Variants in HEXB observed in about 807,000 individuals in gnomAD.
HEXB encodes the protein beta-hexosaminidase subunit beta.
HEXB carries 51 observed loss-of-function variants against 71.2 expected under a neutral mutation model. That is an observed-to-expected ratio of 0.72 (90% CI 0.57 to 0.90). The LOEUF (loss-of-function observed/expected upper bound fraction) is 0.90, where lower values mean the gene tolerates loss of function less well. Among genes scored for constraint, HEXB ranks in the 40% least tolerant of loss-of-function variants. The probability of loss-of-function intolerance (pLI) is 0.00; values close to 1 mark genes in which losing one functional copy is unlikely to be tolerated. For missense variants in HEXB, 617 were observed against 677.0 expected (o/e 0.91, Z 0.98); for synonymous variants, 266 against 249.3 (o/e 1.07, Z -0.63).
chr5:74,661,509 CTCTCTGTGTGTGTG>C (rs774903696), intron 1 of HEXB, among the ~76,000 whole-genome samples: 66 of 71,424 alleles, frequency 9.2e-4, no homozygotes, highest in East Asian at 2.3e-3. Context: ...CATTTTCTCT[CTCTCTGTGTGTGTG>C]TGTGTGTGTG....
chr5:74,715,619 C>CA lies in HEXB; in HGVS notation c.1014dup (p.Glu339ArgfsTer3). On this transcript the variant is annotated frameshift_variant, in exon 8 of 14. Coordinates refer to ENST00000261416, the MANE Select transcript of HEXB (RefSeq NM_000521.4). LOFTEE classifies it high-confidence loss of function. ...CATACAGCTTCCTTACTACATTTTT[C>CA]AAAGAAATTAGTGAGGTGTTTCCAG... is the stretch of plus-strand genomic sequence containing the variant. The CA allele has an allele frequency of 1.2e-6, 2 of 1,609,068 alleles. No individual in the cohort carries two copies. Among genetic ancestry groups the CA allele is most frequent in the Non-Finnish European group, 1.7e-6 (2 of 1,176,144 alleles).
At chr5:74,684,062 G>A (rs1344858420), upstream of HEXB, among the ~76,000 whole-genome samples, 2 of 151,870 alleles carry the variant, frequency 1.3e-5, no homozygotes, top group East Asian at 2.0e-4. Context: ...CTTGTGATCC[G>A]CCCTCCTTCG....
At chr5:74,649,640 G>C (rs116589383) in intron 1 of HEXB, among the ~76,000 whole-genome samples, 1 of 152,130 alleles carries the variant, frequency 6.6e-6, no homozygotes, top group East Asian at 1.9e-4. Flanking sequence ...GATTTTCTTG[G>C]TTTACTTTGC....
chr5:74,716,915 C>T lies in HEXB; in HGVS notation c.1169+242C>T, dbSNP rs114307934. 0.018 allele frequency: 6,451 copies of T among 356,324 alleles called. 76 individuals are homozygous for T. The highest frequency in any genetic ancestry group is 0.027 in the Non-Finnish European group (4,997 of 186,674). 22.1% of individuals were successfully genotyped at this position (356,324 alleles called of 1,614,324 possible). On this transcript the variant is annotated intron_variant, in intron 9 of 13. Coordinates refer to ENST00000261416, the MANE Select transcript of HEXB (RefSeq NM_000521.4). The stretch of plus-strand genomic sequence containing the variant: ...TTCTAAAAACTCAGATTGGGCTGGG[C>T]ATGGTGGCTCACACCTGTAATCCCG...
intron 5 of HEXB, among the ~76,000 whole-genome samples, chr5:74,702,959 T>C (rs1749298406): frequency 6.6e-6 from 1 of 152,162 alleles, no homozygotes; most frequent in Non-Finnish European, 1.5e-5. Flanking sequence ...TGTTTTTTTG[T>C]TTGTTTGTTT....
At chr5:74,713,757 A>G (rs528816822) in intron 7 of HEXB, 122 bp downstream of exon 7, 98 of 775,998 alleles carry the variant, frequency 1.3e-4, no homozygotes, top group Non-Finnish European at 5.1e-5. Flanking sequence ...TCCACCTCCC[A>G]GGATCAAGCG....
intron 6 of HEXB, among the ~76,000 whole-genome samples, chr5:74,712,733 A>G (rs1749578727): frequency 6.6e-6 from 1 of 152,104 alleles, no homozygotes; most frequent in African/African-American, 2.4e-5. Context: ...TTTACTATAA[A>G]CTGGTAGTTG....
intron 1 of HEXB, among the ~76,000 whole-genome samples, chr5:74,668,798 G>A (rs1284142201): frequency 6.6e-6 from 1 of 152,182 alleles, no homozygotes. Context: ...AGTCTATGAA[G>A]GATTGTGTCT....
chr5:74,717,286 G>A (rs1205910030), intron 9 of HEXB, among the ~76,000 whole-genome samples: 1 of 151,994 alleles, frequency 6.6e-6, no homozygotes, highest in Non-Finnish European at 1.5e-5. Flanking sequence ...ATTCCATTTT[G>A]TCAATTCCAG....
chr5:74,646,822 C>T (rs1311372603), intron 1 of HEXB, among the ~76,000 whole-genome samples: 1 of 152,200 alleles, frequency 6.6e-6, no homozygotes, highest in East Asian at 1.9e-4. Context: ...CCACCTCAGC[C>T]TCCCAAAGTG....
intron 1 of HEXB, among the ~76,000 whole-genome samples, chr5:74,664,448 A>AAAAAACAAAAAC (rs56375178): frequency 4.5e-4 from 57 of 126,640 alleles, no homozygotes; most frequent in Non-Finnish European, 1.8e-4. Flanking sequence ...AAAAAAAAAA[A>AAAAAACAAAAAC]AAAAACAGAG....
intron 1 of HEXB, among the ~76,000 whole-genome samples, chr5:74,651,524 C>A (rs1416891098): frequency 6.6e-6 from 1 of 152,112 alleles, no homozygotes; most frequent in Non-Finnish European, 1.5e-5. Flanking sequence ...TTGCCTTAGG[C>A]TATCTAGAAA....
intron 1 of HEXB, among the ~76,000 whole-genome samples, chr5:74,661,090 C>T (rs757163413): frequency 4.1e-4 from 62 of 152,300 alleles, no homozygotes; most frequent in Non-Finnish European, 7.8e-4. Flanking sequence ...GCTGGAGCCA[C>T]AGTGAGCCAC....
At chr5:74,646,657 C>T (rs908891400) in intron 1 of HEXB, among the ~76,000 whole-genome samples, 2 of 151,670 alleles carry the variant, frequency 1.3e-5, no homozygotes, top group Admixed American at 6.6e-5. Context: ...AACCTCTGCC[C>T]TCCGAGTTCA....
At chr5:74,657,401 C>T (rs1429291666) in intron 1 of HEXB, among the ~76,000 whole-genome samples, 2 of 152,160 alleles carry the variant, frequency 1.3e-5, no homozygotes, top group Admixed American at 1.3e-4. Context: ...ACTCTCTGCT[C>T]AGATAACTCC....
chr5:74,705,760 C>G (rs1256384266), intron 6 of HEXB: 2 of 243,600 alleles, frequency 8.2e-6, no homozygotes, highest in Non-Finnish European at 1.6e-5. Context: ...TAATGGTAGT[C>G]TCAGTTAACA....
In HEXB at chr5:74,696,749, AT is replaced by A; in HGVS notation, c.558+12del. 7.4e-7 allele frequency: 1 copy of A among 1,348,308 alleles called. No homozygotes were observed. Among genetic ancestry groups the A allele is most frequent in the African/African-American group, 1.4e-5 (1 of 69,898 alleles). 83.5% of individuals were successfully genotyped at this position (1,348,308 alleles called of 1,614,324 possible). On this transcript the variant is annotated intron_variant, in intron 4 of 13. Transcript: ENST00000261416. Reference sequence around the variant, plus strand: ...AGATTCTTATGGAACTGTAAGTATGATTATTATATGTTACTAAAAATTGTTA... The same window carrying A: ...AGATTCTTATGGAACTGTAAGTATGATATTATATGTTACTAAAAATTGTTA...
intron 1 of HEXB, among the ~76,000 whole-genome samples, chr5:74,655,228 G>T (rs1561202482): frequency 6.6e-6 from 1 of 152,116 alleles, no homozygotes; most frequent in Non-Finnish European, 1.5e-5. Flanking sequence ...ACTAAAAAGG[G>T]CAGCGATAAG....
chr5:74,650,703 C>T (rs960099706), intron 1 of HEXB, among the ~76,000 whole-genome samples: 29 of 151,804 alleles, frequency 1.9e-4, no homozygotes, highest in Admixed American at 1.8e-3. Flanking sequence ...GGGTGGATCA[C>T]GGGGTCAGGA....
Sources: allele counts gnomAD v4.1 joint callset (sites outside exome capture counted in the v4.1 genomes callset), GRCh38; gene constraint gnomAD v4.1.1; transcripts MANE v1.5; gene names NCBI Gene and HGNC (gene_info 2026-07-23, HGNC 2026-07-21).